CNST: variants seen among roughly 807,000 people sequenced by gnomAD.
CNST encodes the protein consortin.
A neutral mutation model predicts 72.4 loss-of-function variants in CNST; 39 were observed. That is an observed-to-expected ratio of 0.54 (90% confidence interval 0.42 to 0.70). CNST has a LOEUF of 0.70. Among genes scored for constraint, CNST ranks in the 30% least tolerant of loss-of-function variants. The pLI is 0.00. For synonymous variants in CNST, 332 were observed against 320.1 expected, an observed-to-expected ratio of 1.04 and a Z score of -0.40; for missense variants, 871 against 868.5, an observed-to-expected ratio of 1.00 and a Z score of -0.04.
chr1:246,574,643 A>G (rs914922868), intron 1 of CNST, among the ~76,000 whole-genome samples: 3 of 151,070 alleles, frequency 2.0e-5, no homozygotes, highest in Non-Finnish European at 4.4e-5. Flanking sequence ...CTGGTCTAGA[A>G]CTCCTGGCCT....
intron 2 of CNST, among the ~76,000 whole-genome samples, chr1:246,615,068 G>A (rs1663588600): frequency 1.3e-5 from 2 of 152,164 alleles, no homozygotes; most frequent in Admixed American, 6.5e-5. Flanking sequence ...GCTAAACGGA[G>A]CAGTTATATG....
chr1:246,612,362 G>A (rs779450616), intron 2 of CNST, among the ~76,000 whole-genome samples: 9 of 151,882 alleles, frequency 5.9e-5, no homozygotes, highest in African/African-American at 1.2e-4. Flanking sequence ...CTACCACGCC[G>A]AGCTAATTTT....
chr1:246,650,895 C>T (rs1253828411), intron 9 of CNST, among the ~76,000 whole-genome samples: 1 of 152,064 alleles, frequency 6.6e-6, no homozygotes, highest in East Asian at 1.9e-4. Flanking sequence ...CCAGGCTGGT[C>T]TTCAACTCCT....
At position 246,591,659 on chromosome 1, in the gene CNST, C is replaced by A. The variant is rs765554786; in HGVS notation, c.97C>A (p.Pro33Thr). Residue 33 changes from proline to threonine, a missense_variant, in exon 2 of 11, where the codon CCT (proline) becomes ACT (threonine). Coordinates refer to ENST00000366513, the MANE Select transcript of CNST (RefSeq NM_152609.3). ...DSVERSVTCL[P>T]SASDENENQL... ...CGTGGAAAGGAGTGTGACCTGTCTGCCTTCTGCATCAGATGAAAATGAAAA... is the reference window on the plus strand; with the variant it reads ...CGTGGAAAGGAGTGTGACCTGTCTGACTTCTGCATCAGATGAAAATGAAAA... The A allele has an allele frequency of 6.2e-7, 1 of 1,614,176 alleles. No individual in the cohort carries two copies. The highest frequency in any genetic ancestry group is 1.1e-5 in the South Asian group (1 of 91,080).
intron 1 of CNST, among the ~76,000 whole-genome samples, chr1:246,571,782 G>A (rs956226821): frequency 2.0e-5 from 3 of 152,052 alleles, no homozygotes; most frequent in Non-Finnish European, 4.4e-5. Context: ...CCTGAGCTGG[G>A]GCTATAGGCA....
intron 3 of CNST, among the ~76,000 whole-genome samples, chr1:246,624,984 C>G (rs1049190331): frequency 6.6e-6 from 1 of 152,106 alleles, no homozygotes; most frequent in Non-Finnish European, 1.5e-5. Flanking sequence ...CGTGCACACA[C>G]ACGTATTTTT....
intron 9 of CNST, among the ~76,000 whole-genome samples, chr1:246,659,226 T>C (rs1666930258): frequency 6.6e-6 from 1 of 152,204 alleles, no homozygotes; most frequent in African/African-American, 2.4e-5. Context: ...TCCAATTAAA[T>C]TATATTCACA....
chr1:246,578,595 C>T lies in CNST; in HGVS notation c.-52+11932C>T, dbSNP rs139221242. ...CTGAGGCAGGAGAATTGCTTGAACCCGGGAGGCGGAGGTTGCAGTGAGCCA... is the reference window on the plus strand; with the variant it reads ...CTGAGGCAGGAGAATTGCTTGAACCTGGGAGGCGGAGGTTGCAGTGAGCCA... On this transcript the variant is annotated intron_variant, in intron 1 of 10. Coordinates refer to ENST00000366513, the MANE Select transcript of CNST (RefSeq NM_152609.3). Among the ~76,000 whole-genome samples, 595 of 151,892 alleles carry T rather than the reference C, an allele frequency of 3.9e-3. 4 individuals are homozygous for T. The highest frequency in any genetic ancestry group is 0.014 in the African/African-American group (571 of 41,390).
chr1:246,632,413 C>T, intron 4 of CNST: 1 of 211,674 alleles, frequency 4.7e-6, no homozygotes, highest in Non-Finnish European at 9.7e-6. Flanking sequence ...CTTGCCTTCC[C>T]CTTGGATAAT....
Position 246,600,310 on chromosome 1 carries a change from A to G in CNST, c.379+8369A>G, listed in dbSNP as rs187456684. On this transcript the variant is annotated intron_variant, in intron 2 of 10. Coordinates refer to ENST00000366513, the MANE Select transcript of CNST (RefSeq NM_152609.3). ...GAAGATTAGCAAAGTCCAGCTTATA[A>G]ATTGTTTTTAACATGACCAGTTTGG... Among the ~76,000 whole-genome samples, 287 of 152,350 alleles carry G rather than the reference A, an allele frequency of 1.9e-3. 1 individual carries two copies. Among genetic ancestry groups the G allele is most frequent in the Non-Finnish European group, 2.6e-3 (177 of 68,034 alleles).
At chr1:246,626,101 G>A (rs976895710) in intron 3 of CNST, among the ~76,000 whole-genome samples, 1 of 151,518 alleles carries the variant, frequency 6.6e-6, no homozygotes, top group African/African-American at 2.4e-5. Flanking sequence ...CCAGGCTGGA[G>A]TGCAGTGGCA....
chr1:246,632,062 C>T (rs1048361914), intron 4 of CNST, 138 bp downstream of exon 4: 15 of 551,628 alleles, frequency 2.7e-5, no homozygotes, highest in African/African-American at 2.4e-4. Flanking sequence ...TGTATGTACC[C>T]GTGTAACCAC....
chr1:246,569,770 T>G lies in CNST; in HGVS notation c.-52+3107T>G, dbSNP rs146935517. ...ACTGTGTTAACGTTGAGCCCCATGC[T>G]TGTTTAATGAGGCTCATAAGATGAA... On this transcript the variant is annotated intron_variant, in intron 1 of 10. Coordinates refer to ENST00000366513, the MANE Select transcript of CNST (RefSeq NM_152609.3). 597 of 165,966 alleles carry G rather than the reference T, an allele frequency of 3.6e-3. 3 individuals are homozygous for G. The highest frequency in any genetic ancestry group is 0.014 in the African/African-American group (573 of 41,800). The allele number at this position is 165,966 out of a possible 1,614,324, so 10.3% of individuals were successfully genotyped here.
chr1:246,586,299 C>A (rs921991514), intron 1 of CNST, among the ~76,000 whole-genome samples: 1 of 146,600 alleles, frequency 6.8e-6, no homozygotes, highest in South Asian at 2.1e-4. Context: ...ATATAAGATA[C>A]ATATACAAGC....
chr1:246,651,145 T>A (rs1453672019), intron 9 of CNST, among the ~76,000 whole-genome samples: 1 of 151,938 alleles, frequency 6.6e-6, no homozygotes, highest in Non-Finnish European at 1.5e-5. Flanking sequence ...AATTTTTTTT[T>A]ATGCTTCCTT....
intron 2 of CNST, among the ~76,000 whole-genome samples, chr1:246,592,491 AAAAAG>A (rs1367537890): frequency 1.3e-5 from 2 of 152,230 alleles, no homozygotes; most frequent in African/African-American, 2.4e-5. Context: ...CGTCTCAAAA[AAAAAG>A]AAAAGAAAAA....
intron 8 of CNST, 41 bp downstream of exon 8, chr1:246,642,078 C>G: frequency 9.3e-7 from 1 of 1,075,706 alleles, no homozygotes. Flanking sequence ...GTAAAAGATA[C>G]CTGCCTCTTC....
chr1:246,588,810 A>G (rs1275571888), intron 1 of CNST, among the ~76,000 whole-genome samples: 4 of 152,220 alleles, frequency 2.6e-5, no homozygotes, highest in Admixed American at 6.5e-5. Flanking sequence ...CACAATTTTC[A>G]TTGGAAATGC....
At position 246,573,597 on chromosome 1, in the gene CNST, C is replaced by T. The variant is rs1049935371; in HGVS notation, c.-52+6934C>T. Reference sequence around the variant, plus strand: ...AGCTGGGGAAAACCTAGGGATTGCCCGGTGAATGCCAACAGAGCTTTAACC... The same window carrying T: ...AGCTGGGGAAAACCTAGGGATTGCCTGGTGAATGCCAACAGAGCTTTAACC... On this transcript the variant is annotated intron_variant, in intron 1 of 10. Coordinates refer to ENST00000366513, the MANE Select transcript of CNST (RefSeq NM_152609.3). Among the ~76,000 whole-genome samples, 12 of 151,982 alleles carry T rather than the reference C, an allele frequency of 7.9e-5. No homozygotes were observed. The East Asian group carries it at 1.3e-3, about 17-fold the overall frequency.
Sources: allele counts gnomAD v4.1 joint callset (sites outside exome capture counted in the v4.1 genomes callset), GRCh38; gene constraint gnomAD v4.1.1; transcripts MANE v1.5; gene names NCBI Gene and HGNC (gene_info 2026-07-23, HGNC 2026-07-21).